PKHD1L1: variants seen among roughly 807,000 people sequenced by gnomAD.
PKHD1L1 encodes fibrocystin-L.
A neutral mutation model predicts 462.9 loss-of-function variants in PKHD1L1; 434 were observed. The observed-to-expected ratio is 0.94, with a 90% confidence interval of 0.87 to 1.02. PKHD1L1 has a LOEUF of 1.02. PKHD1L1 is among the 50% of genes least tolerant of loss of function. The pLI is 0.00. For synonymous variants in PKHD1L1, 1,781 were observed against 1,750.0 expected (o/e 1.02, Z -0.44); for missense variants, 5,202 against 5,096.1 (o/e 1.02, Z -0.63).
In PKHD1L1 at chr8:109,473,155, G is replaced by T. The variant is rs115681131; in HGVS notation, c.8606-1963G>T. 5.2e-3 allele frequency among the ~76,000 whole-genome samples: 788 copies of T among 152,188 alleles called. 7 individuals carry two copies. Among genetic ancestry groups the T allele is most frequent in the African/African-American group, 0.018 (753 of 41,538 alleles). ...ACACAACTTAAAAAAATGGAAATTT[G>T]TTTCACTTGTGAAACTGAATTATTA... On this transcript the variant is annotated intron_variant, in intron 50 of 77. Coordinates refer to ENST00000378402, the MANE Select transcript of PKHD1L1 (RefSeq NM_177531.6).
In PKHD1L1 at chr8:109,381,523, T is replaced by C; in HGVS notation, c.308+9T>C. ...ATTACATGCTATACTAGGTCTGTTT[T>C]AAAGTATCTTTAATAAAATCATTTT... On this transcript the variant is annotated intron_variant, in intron 3 of 77. Coordinates refer to ENST00000378402, the MANE Select transcript of PKHD1L1 (RefSeq NM_177531.6). The C allele has an allele frequency of 6.5e-7, 1 of 1,532,956 alleles. No individual in the cohort carries two copies. Among genetic ancestry groups the C allele is most frequent in the East Asian group, 2.3e-5 (1 of 42,812 alleles). The allele number at this position is 1,532,956 out of a possible 1,614,324, so 95.0% of individuals were successfully genotyped here. A position where few individuals can be genotyped will look rare whatever the true frequency, so the allele number is the denominator to read the frequency against.
chr8:109,511,661 G>T (rs933807397), intron 71 of PKHD1L1, among the ~76,000 whole-genome samples: 1 of 152,072 alleles, frequency 6.6e-6, no homozygotes, highest in Non-Finnish European at 1.5e-5. Flanking sequence ...ACATACGTGT[G>T]CATGTGTCTT....
Position 109,444,684 on chromosome 8 carries a change from T to C in PKHD1L1, c.4815T>C (p.Cys1605=), listed in dbSNP as rs1358853216. The change falls in exon 38 of 78, where the codon TGT becomes TGC. Residue 1605 remains cysteine (C), a synonymous_variant. Coordinates refer to ENST00000378402, the MANE Select transcript of PKHD1L1 (RefSeq NM_177531.6). ...ANKVTIGSYP[C]VVEESSEDSI... ...AGGTTACAATTGGTAGCTACCCCTG[T>C]GTCGTAGAAGAAAGTAGTGAGGATT... is the stretch of plus-strand genomic sequence containing the variant. The C allele has an allele frequency of 1.2e-6, 2 of 1,613,544 alleles. No homozygotes were observed. Among genetic ancestry groups the C allele is most frequent in the Non-Finnish European group, 1.7e-6 (2 of 1,179,540 alleles).
intron 51 of PKHD1L1, 115 bp downstream of exon 51, chr8:109,475,384 C>G: frequency 1.1e-6 from 1 of 893,352 alleles, no homozygotes; most frequent in Non-Finnish European, 1.6e-6. Flanking sequence ...ACAAATTGAG[C>G]TATTGAAATC....
chr8:109,503,041 C>G (rs111627613), intron 67 of PKHD1L1, among the ~76,000 whole-genome samples: 4,263 of 152,296 alleles, frequency 0.028, 129 homozygotes, highest in African/African-American at 0.073. Flanking sequence ...TGCAGTGGCT[C>G]ACGCCTGTAG....
chr8:109,395,546 C>A (rs1812927026), intron 10 of PKHD1L1, among the ~76,000 whole-genome samples: 1 of 152,132 alleles, frequency 6.6e-6, no homozygotes, highest in Non-Finnish European at 1.5e-5. Flanking sequence ...TAGTAAGAAT[C>A]TGCCATATGT....
chr8:109,472,100 T>A (rs994348501), intron 50 of PKHD1L1, among the ~76,000 whole-genome samples: 3 of 151,960 alleles, frequency 2.0e-5, no homozygotes, highest in East Asian at 1.9e-4. Context: ...TTAAAAAAAA[T>A]AATGTTAGAC....
chr8:109,480,415 A>G, intron 55 of PKHD1L1: 1 of 420,196 alleles, frequency 2.4e-6, no homozygotes. Flanking sequence ...TTATGAGGTC[A>G]GGCTAAACCA....
At chr8:109,462,255 G>T (rs1023938139) in intron 48 of PKHD1L1, among the ~76,000 whole-genome samples, 2 of 152,010 alleles carry the variant, frequency 1.3e-5, no homozygotes, top group Non-Finnish European at 2.9e-5. Flanking sequence ...CTGCTCCCAC[G>T]TTGCTCTAAT....
intron 67 of PKHD1L1, among the ~76,000 whole-genome samples, chr8:109,503,347 GGT>G (rs1819533889): frequency 6.6e-6 from 1 of 151,986 alleles, no homozygotes; most frequent in African/African-American, 2.4e-5. Flanking sequence ...AGCTATGGGT[GGT>G]TTGCAGCCAA....
intron 23 of PKHD1L1, among the ~76,000 whole-genome samples, chr8:109,423,879 T>A (rs1235725775): frequency 1.3e-5 from 2 of 152,220 alleles, no homozygotes; most frequent in Non-Finnish European, 2.9e-5. Flanking sequence ...TTTGTGAGAT[T>A]TATAAACGTG....
Position 109,438,969 on chromosome 8 carries a change from G to A in PKHD1L1, c.3833G>A (p.Gly1278Glu), listed in dbSNP as rs200525842. ...ELTQNMAVYV[G>E]GKTCQILHWN... is the part of the protein sequence containing the mutation. ...ACACAAAACATGGCGGTGTATGTTG[G>A]AGGAAAAACCTGCCAGATTCTTCAC... Residue 1278 changes from glycine (G) to glutamate (E), a missense_variant, in exon 32 of 78, where the codon GGA (glycine) becomes GAA (glutamate). Transcript: ENST00000378402. 5 of 1,613,482 alleles carry A rather than the reference G, an allele frequency of 3.1e-6. No individual in the cohort carries two copies. The African/African-American group carries it at 5.3e-5, about 17-fold the overall frequency.
chr8:109,443,343 T>C (rs1386064740), intron 36 of PKHD1L1, among the ~76,000 whole-genome samples: 1 of 152,182 alleles, frequency 6.6e-6, no homozygotes, highest in Admixed American at 6.6e-5. Flanking sequence ...GTGCTTCCAA[T>C]GAGAAGTAAT....
At chr8:109,441,641 G>A (rs1815800056) in intron 34 of PKHD1L1, among the ~76,000 whole-genome samples, 1 of 152,062 alleles carries the variant, frequency 6.6e-6, no homozygotes, top group South Asian at 2.1e-4. Flanking sequence ...CTCCCAGATT[G>A]TTGTAGTTTA....
chr8:109,389,051 G>A (rs780829174), intron 7 of PKHD1L1, 28 bp from the exon 8 acceptor site: 12 of 1,448,862 alleles, frequency 8.3e-6, no homozygotes, highest in Non-Finnish European at 5.8e-6. Flanking sequence ...GTCTATATAA[G>A]CTTTGACATT....
At chr8:109,458,472 T>G (rs903465501) in intron 46 of PKHD1L1, among the ~76,000 whole-genome samples, 1 of 152,136 alleles carries the variant, frequency 6.6e-6, no homozygotes, top group African/African-American at 2.4e-5. Context: ...ATAAAATGAT[T>G]TCAATGGGTG....
At position 109,460,764 on chromosome 8, in the gene PKHD1L1, C is replaced by T. The variant is rs922162921; in HGVS notation, c.7246+928C>T. Among the ~76,000 whole-genome samples the T allele has an allele frequency of 6.6e-5, 10 of 152,238 alleles. No individual in the cohort carries two copies. The East Asian group carries it at 1.7e-3, about 26-fold the overall frequency. ...GATTTAAAATATAAAAGTCTATTTC[C>T]CATTCATGCTACATGTGTCCCATAT... On this transcript the variant is annotated intron_variant, in intron 47 of 77. Coordinates refer to ENST00000378402, the MANE Select transcript of PKHD1L1 (RefSeq NM_177531.6).
intron 21 of PKHD1L1, among the ~76,000 whole-genome samples, chr8:109,414,263 C>A (rs1373459011): frequency 1.3e-5 from 2 of 152,052 alleles, no homozygotes; most frequent in African/African-American, 4.8e-5. Context: ...ACAGTACTCC[C>A]CATACATTGT....
chr8:109,441,467 T>TGA, intron 34 of PKHD1L1, 88 bp downstream of exon 34: 1 of 819,888 alleles, frequency 1.2e-6, no homozygotes, highest in East Asian at 2.9e-5. Context: ...TTCAAATTAT[T>TGA]GAGAGACTAA....
Sources: gnomAD v4.1 joint callset for allele counts (sites outside exome capture counted in the v4.1 genomes callset) on GRCh38, gnomAD v4.1.1 for gene constraint, MANE v1.5 for transcripts, NCBI Gene and HGNC (gene_info 2026-07-23, HGNC 2026-07-21) for gene names.